The following GFRA1 variants were observed in gnomAD, a reference collection of about 807,000 sequenced individuals.
GFRA1 encodes the protein GDNF family receptor alpha 1.
In GFRA1, 16 loss-of-function variants were observed where a neutral mutation model predicts 51.6. The ratio of observed to expected loss-of-function variants is 0.31; its 90% CI spans 0.21 to 0.47. The LOEUF (loss-of-function observed/expected upper bound fraction) is 0.47. Among genes scored for constraint, GFRA1 ranks in the 20% least tolerant of loss-of-function variants. The pLI is 1.00. For missense variants in GFRA1, 530 were observed against 594.3 expected (o/e 0.89, Z 1.13); for synonymous variants, 270 against 241.3 (o/e 1.12, Z -1.10).
At chr10:116,064,578 G>A in intron 10 of GFRA1, 34 bp from the exon 11 acceptor site, 1 of 1,582,524 alleles carries the variant, frequency 6.3e-7, no homozygotes, top group Non-Finnish European at 8.7e-7. Context: ...ATCATCCACT[G>A]CATGTCTTCA....
chr10:116,071,296 C>G (rs1318777087), intron 9 of GFRA1, among the ~76,000 whole-genome samples: 1 of 152,204 alleles, frequency 6.6e-6, no homozygotes, highest in African/African-American at 2.4e-5. Flanking sequence ...GTTGCCTGAA[C>G]CTCAGCCAGA....
chr10:116,187,846 C>T lies in GFRA1; in HGVS notation c.433+23785G>A, dbSNP rs555035891. On this transcript the variant is annotated intron_variant, in intron 5 of 10. Coordinates refer to ENST00000355422, the MANE Select transcript of GFRA1 (RefSeq NM_005264.8). ...AGTAAAAAAGGCAGCAGTAAGTTTG[C>T]GTTGACCTCTGAGGCCCCCAGAGCA... Among the ~76,000 whole-genome samples, 21 of 152,112 alleles carry T rather than the reference C, an allele frequency of 1.4e-4. No homozygotes were observed. In the South Asian group the frequency reaches 4.4e-3, roughly 32 times the overall value.
intron 6 of GFRA1, among the ~76,000 whole-genome samples, chr10:116,098,119 T>C (rs893738761): frequency 6.6e-6 from 1 of 152,224 alleles, no homozygotes; most frequent in Non-Finnish European, 1.5e-5. Flanking sequence ...TCTGGGGACC[T>C]GACTCCATTG....
intron 5 of GFRA1, among the ~76,000 whole-genome samples, chr10:116,179,552 T>C (rs139657701): frequency 1.1e-3 from 175 of 152,328 alleles, no homozygotes; most frequent in African/African-American, 4.0e-3. Flanking sequence ...GAATCCATGC[T>C]CTTCACCGTC....
At chr10:116,134,181 TTTG>T (rs1336293421) in intron 5 of GFRA1, among the ~76,000 whole-genome samples, 1 of 152,222 alleles carries the variant, frequency 6.6e-6, no homozygotes, top group East Asian at 1.9e-4. Flanking sequence ...TAAAAGAACG[TTTG>T]TTTGCACATG....
chr10:116,111,034 T>C (rs1383962559), intron 6 of GFRA1, among the ~76,000 whole-genome samples: 4 of 152,170 alleles, frequency 2.6e-5, no homozygotes, highest in Admixed American at 6.5e-5. Flanking sequence ...GGATAGACCC[T>C]GTCCATCCCA....
chr10:116,089,725 T>C lies in GFRA1; in HGVS notation c.1197+16A>G. The C allele has an allele frequency of 6.2e-7, 1 of 1,611,128 alleles. No homozygotes were observed. The highest frequency in any genetic ancestry group is 8.5e-7 in the Non-Finnish European group (1 of 1,177,394). On this transcript the variant is annotated intron_variant, in intron 9 of 10. Coordinates refer to ENST00000355422, the MANE Select transcript of GFRA1 (RefSeq NM_005264.8). ...AGGAAGGGAGCCCCAGCAAGGAATC[T>C]GGACGCAGTTCTCACCTGTAAATTT...
At chr10:116,239,001 A>G (rs767059512) in intron 4 of GFRA1, among the ~76,000 whole-genome samples, 1 of 152,226 alleles carries the variant, frequency 6.6e-6, no homozygotes, top group African/African-American at 2.4e-5. Flanking sequence ...TCAAAGCAAG[A>G]GTATCATCAG....
intron 4 of GFRA1, among the ~76,000 whole-genome samples, chr10:116,217,383 A>T (rs1589881486): frequency 6.6e-6 from 1 of 152,364 alleles, no homozygotes; most frequent in African/African-American, 2.4e-5. Flanking sequence ...GGATAATTTA[A>T]TCGGCACAGG....
At chr10:116,181,438 G>A (rs1962206511) in intron 5 of GFRA1, among the ~76,000 whole-genome samples, 1 of 152,174 alleles carries the variant, frequency 6.6e-6, no homozygotes, top group South Asian at 2.1e-4. Context: ...GGAGTCAGGA[G>A]GAAGGCCCAG....
At chr10:116,221,862 T>A (rs1402729746) in intron 4 of GFRA1, among the ~76,000 whole-genome samples, 1 of 152,220 alleles carries the variant, frequency 6.6e-6, no homozygotes, top group Non-Finnish European at 1.5e-5. Context: ...TTTTTAAAAC[T>A]TTACAAATTC....
intron 5 of GFRA1, among the ~76,000 whole-genome samples, chr10:116,137,183 A>C (rs546157473): frequency 4.6e-5 from 7 of 152,196 alleles, no homozygotes; most frequent in Non-Finnish European, 1.0e-4. Flanking sequence ...TACACAATCT[A>C]CAAACATTGT....
chr10:116,074,277 A>G (rs986746965), intron 9 of GFRA1, among the ~76,000 whole-genome samples: 2 of 152,120 alleles, frequency 1.3e-5, no homozygotes, highest in Non-Finnish European at 2.9e-5. Flanking sequence ...ATCAATGCAT[A>G]TTGACTCCAT....
chr10:116,242,819 T>A (rs897229537), intron 4 of GFRA1, among the ~76,000 whole-genome samples: 1 of 152,214 alleles, frequency 6.6e-6, no homozygotes, highest in African/African-American at 2.4e-5. Flanking sequence ...TTACCCAAAT[T>A]GGCCCCTTTT....
chr10:116,083,787 A>G (rs1955966164), intron 9 of GFRA1, among the ~76,000 whole-genome samples: 1 of 152,158 alleles, frequency 6.6e-6, no homozygotes, highest in Non-Finnish European at 1.5e-5. Flanking sequence ...GGATCTGAGG[A>G]GATACTGGGG....
intron 4 of GFRA1, among the ~76,000 whole-genome samples, chr10:116,220,619 A>G (rs1368185512): frequency 6.6e-6 from 1 of 152,204 alleles, no homozygotes; most frequent in Admixed American, 6.5e-5. Flanking sequence ...AATTCTAAGA[A>G]GCTGTTCTAA....
chr10:116,125,110 C>T, intron 6 of GFRA1, 111 bp downstream of exon 6: 1 of 934,424 alleles, frequency 1.1e-6, no homozygotes, highest in South Asian at 1.4e-5. Flanking sequence ...ACTGGGCTCC[C>T]CTCCCTCCTC....
intron 4 of GFRA1, among the ~76,000 whole-genome samples, chr10:116,240,306 G>A (rs1395866704): frequency 1.3e-5 from 2 of 152,018 alleles, no homozygotes; most frequent in African/African-American, 2.4e-5. Context: ...TCTCAACGCC[G>A]TGCTCCATGG....
At chr10:116,086,749 C>G (rs182888703) in intron 9 of GFRA1, among the ~76,000 whole-genome samples, 2 of 152,210 alleles carry the variant, frequency 1.3e-5, no homozygotes. Context: ...CACAGCCCCA[C>G]GCCTTCATGT....
Sources: gnomAD v4.1 joint callset for allele counts (sites outside exome capture counted in the v4.1 genomes callset) on GRCh38, gnomAD v4.1.1 for gene constraint, MANE v1.5 for transcripts, NCBI Gene and HGNC (gene_info 2026-07-23, HGNC 2026-07-21) for gene names.